The following NOS1AP variants were observed in gnomAD, a reference collection of about 807,000 sequenced individuals.
NOS1AP encodes carboxyl-terminal PDZ ligand of neuronal nitric oxide synthase protein.
A neutral mutation model predicts 56.2 loss-of-function variants in NOS1AP; 21 were observed. The ratio of observed to expected loss-of-function variants is 0.37; its 90% CI spans 0.26 to 0.54. The LOEUF (loss-of-function observed/expected upper bound fraction) is 0.54, where lower values mean the gene tolerates loss of function less well. Ranked by LOEUF, NOS1AP falls within the 20% of genes least tolerant of loss-of-function variation. The probability of loss-of-function intolerance (pLI) is 0.84; values close to 1 mark genes in which losing one functional copy is unlikely to be tolerated. For missense variants in NOS1AP, 522 were observed against 657.8 expected, an observed-to-expected ratio of 0.79 and a Z score of 2.26; for synonymous variants, 270 against 274.6, an observed-to-expected ratio of 0.98 and a Z score of 0.17.
intron 4 of NOS1AP, among the ~76,000 whole-genome samples, chr1:162,313,212 T>C (rs1032181880): frequency 1.3e-5 from 2 of 152,220 alleles, no homozygotes; most frequent in African/African-American, 4.8e-5. Flanking sequence ...GTGACTTCTA[T>C]TAAACTTTCC....
chr1:162,073,185 G>A (rs1262933646), intron 1 of NOS1AP, among the ~76,000 whole-genome samples: 1 of 152,174 alleles, frequency 6.6e-6, no homozygotes, highest in East Asian at 1.9e-4. Context: ...TACTTCCCTA[G>A]GAGATGGGTC....
At chr1:162,346,213 G>A (rs1314296446) in intron 6 of NOS1AP, among the ~76,000 whole-genome samples, 1 of 152,136 alleles carries the variant, frequency 6.6e-6, no homozygotes. Flanking sequence ...AACCCATAAA[G>A]GTGTGAAATG....
At chr1:162,094,134 T>G (rs1692188455) in intron 1 of NOS1AP, among the ~76,000 whole-genome samples, 1 of 152,188 alleles carries the variant, frequency 6.6e-6, no homozygotes, top group Admixed American at 6.5e-5. Context: ...GATGTGTGGT[T>G]GGACTCTCAG....
chr1:162,107,619 C>T (rs1406027460), intron 1 of NOS1AP, among the ~76,000 whole-genome samples: 7 of 152,278 alleles, frequency 4.6e-5, no homozygotes, highest in Admixed American at 3.3e-4. Context: ...GGCAGGATTA[C>T]AGGCATGAGC....
chr1:162,190,235 T>C (rs1651576286), intron 2 of NOS1AP, among the ~76,000 whole-genome samples: 1 of 152,230 alleles, frequency 6.6e-6, no homozygotes, highest in African/African-American at 2.4e-5. Flanking sequence ...ATGATAGCCC[T>C]TCAGATACTT....
chr1:162,314,915 A>G (rs1403469767), intron 4 of NOS1AP, among the ~76,000 whole-genome samples: 3 of 152,204 alleles, frequency 2.0e-5, no homozygotes, highest in Non-Finnish European at 2.9e-5. Context: ...GTAGGAGGAG[A>G]AAAAAACAAA....
intron 1 of NOS1AP, among the ~76,000 whole-genome samples, chr1:162,081,770 A>ATG (rs1400188804): frequency 6.3e-5 from 1 of 15,782 alleles, no homozygotes; most frequent in Admixed American, 1.1e-3. Flanking sequence ...ATATATATAT[A>ATG]TATATTTTTT....
chr1:162,107,859 A>G (rs552245242), intron 1 of NOS1AP, among the ~76,000 whole-genome samples: 4 of 152,180 alleles, frequency 2.6e-5, no homozygotes, highest in Non-Finnish European at 5.9e-5. Context: ...TTAAATTATC[A>G]TTACTGGTGT....
chr1:162,164,747 A>G lies in NOS1AP; in HGVS notation c.177+10271A>G, dbSNP rs537954215. Among the ~76,000 whole-genome samples, 5 of 152,330 alleles carry G rather than the reference A, an allele frequency of 3.3e-5. No individual in the cohort carries two copies. In the East Asian group the frequency reaches 9.6e-4, roughly 29 times the overall value. On this transcript the variant is annotated intron_variant, in intron 2 of 9. Coordinates refer to ENST00000361897, the MANE Select transcript of NOS1AP (RefSeq NM_014697.3). ...CTTCTGTGACCTTTTGGTACTCAGC[A>G]CATGACACAGGGTCTGGTGTGTGGC...
chr1:162,347,451 T>C (rs148093043), intron 6 of NOS1AP, among the ~76,000 whole-genome samples: 89 of 152,318 alleles, frequency 5.8e-4, no homozygotes, highest in African/African-American at 2.1e-3. Context: ...ACTGTTATTA[T>C]CACAGAACAA....
chr1:162,212,115 G>C (rs1652369622), intron 2 of NOS1AP, among the ~76,000 whole-genome samples: 1 of 152,178 alleles, frequency 6.6e-6, no homozygotes, highest in African/African-American at 2.4e-5. Context: ...TCCTCCCTCG[G>C]GTTGCCCTCT....
At chr1:162,119,181 T>G (rs1437475534) in intron 1 of NOS1AP, among the ~76,000 whole-genome samples, 22 of 152,124 alleles carry the variant, frequency 1.4e-4, no homozygotes, top group Admixed American at 1.4e-3. Context: ...GAAGAGAGGC[T>G]GCTTGGGGTC....
At chr1:162,316,508 G>A (rs1054592090) in intron 4 of NOS1AP, among the ~76,000 whole-genome samples, 3 of 152,178 alleles carry the variant, frequency 2.0e-5, no homozygotes, top group Non-Finnish European at 2.9e-5. Context: ...ATCTTTTCTC[G>A]TGGATTATCT....
Position 162,355,208 on chromosome 1 carries a change from A to G in NOS1AP, c.617A>G (p.Glu206Gly), listed in dbSNP as rs761659403. The change falls in exon 7 of 10, where the codon GAG (glutamate) becomes GGG (glycine). Residue 206 changes from glutamate to glycine, a missense_variant. Glu to Gly is a moderately conservative substitution (Grantham distance 98). Around this residue, in one of 4 missense-constraint regions of NOS1AP, gnomAD observed 178 missense variants for 165.0 expected, o/e 1.08. Coordinates refer to ENST00000361897, the MANE Select transcript of NOS1AP (RefSeq NM_014697.3). ...GCAGGCCGCCAGCTCACTGGAGCCG[A>G]GAGGGCCTCCACGGCCACTGCAGAG... is the stretch of plus-strand genomic sequence containing the variant. ...GDPGRQLTGA[E>G]RASTATAEET... 5.0e-6 allele frequency: 8 copies of G among 1,614,140 alleles called. No individual in the cohort carries two copies. In the South Asian group the frequency reaches 7.7e-5, roughly 16 times the overall value.
Position 162,313,070 on chromosome 1 carries a change from C to T in NOS1AP, c.344+12364C>T, listed in dbSNP as rs147313902. 6.8e-3 allele frequency among the ~76,000 whole-genome samples: 1,040 copies of T among 152,230 alleles called. 6 individuals carry two copies. Among genetic ancestry groups the T allele is most frequent in the Non-Finnish European group, 0.01 (685 of 68,006 alleles). On this transcript the variant is annotated intron_variant, in intron 4 of 9. Transcript: ENST00000361897. ...GAAGCATTCCCTTTGAAAACTGGCA[C>T]AAGACAGGGATGCCCTCTCTCACCA...
intron 4 of NOS1AP, among the ~76,000 whole-genome samples, chr1:162,325,532 C>T (rs1271920397): frequency 1.3e-5 from 2 of 152,118 alleles, no homozygotes; most frequent in African/African-American, 4.8e-5. Context: ...CTAAGGATAA[C>T]ACATTGGGCC....
intron 1 of NOS1AP, among the ~76,000 whole-genome samples, chr1:162,073,170 C>T (rs1269808846): frequency 6.6e-6 from 1 of 152,150 alleles, no homozygotes; most frequent in Non-Finnish European, 1.5e-5. Context: ...TCATTTAATT[C>T]TCACTACTTC....
At chr1:162,170,317 G>A (rs141834061) in intron 2 of NOS1AP, among the ~76,000 whole-genome samples, 1 of 152,136 alleles carries the variant, frequency 6.6e-6, no homozygotes, top group Non-Finnish European at 1.5e-5. Flanking sequence ...CCCTTGGAGG[G>A]AGGTACTGTT....
At chr1:162,365,604 G>GT (rs1186187029) in intron 9 of NOS1AP, 35 bp downstream of exon 9, 1 of 1,603,530 alleles carries the variant, frequency 6.2e-7, no homozygotes, top group African/African-American at 1.3e-5. Flanking sequence ...TGCTTCCTCT[G>GT]TGAAGGCTCT....
Sources: allele counts gnomAD v4.1 joint callset (sites outside exome capture counted in the v4.1 genomes callset), GRCh38; gene constraint gnomAD v4.1.1; regional missense constraint gnomAD v4.1.1; transcripts MANE v1.5; gene names NCBI Gene and HGNC (gene_info 2026-07-23, HGNC 2026-07-21).